The following DST variants were observed in gnomAD, a reference collection of about 807,000 sequenced individuals.
DST encodes the protein dystonin, also known as bullous pemphigoid antigen.
A neutral mutation model predicts 875.2 loss-of-function variants in DST; 253 were observed. The ratio of observed to expected loss-of-function variants is 0.29; its 90% CI spans 0.26 to 0.32. DST has a LOEUF of 0.32. Ranked by LOEUF, DST falls within the 10% of genes least tolerant of loss-of-function variation. The pLI is 1.00. For synonymous variants in DST, 3,124 were observed against 3,197.1 expected (o/e 0.98, Z 0.77); for missense variants, 8,287 against 9,111.6 (o/e 0.91, Z 3.68).
At chr6:56,772,081 G>A (rs1275109260) in intron 4 of DST, among the ~76,000 whole-genome samples, 1 of 152,150 alleles carries the variant, frequency 6.6e-6, no homozygotes, top group East Asian at 1.9e-4. Context: ...CTAGCATGTG[G>A]GGTCCAGGTT....
chr6:56,718,039 T>C (rs2099401129), intron 5 of DST, among the ~76,000 whole-genome samples: 1 of 152,102 alleles, frequency 6.6e-6, no homozygotes, highest in Non-Finnish European at 1.5e-5. Flanking sequence ...TGAGACGAGT[T>C]TGAGACCAGC....
chr6:56,849,725 C>G (rs1381232863), intron 4 of DST, among the ~76,000 whole-genome samples: 3 of 152,096 alleles, frequency 2.0e-5, no homozygotes, highest in Non-Finnish European at 4.4e-5. Context: ...TAATTTCATT[C>G]CCCCTAACAA....
intron 4 of DST, among the ~76,000 whole-genome samples, chr6:56,844,461 G>A (rs2127561232): frequency 6.6e-6 from 1 of 152,312 alleles, no homozygotes; most frequent in East Asian, 1.9e-4. Flanking sequence ...CCATTAAACT[G>A]AGTAAAATGG....
intron 54 of DST, 48 bp from the exon 55 acceptor site, chr6:56,568,643 T>A: frequency 2.1e-6 from 3 of 1,458,056 alleles, no homozygotes; most frequent in South Asian, 1.3e-5. Context: ...ATTTTCAGAG[T>A]TGCACATTAT....
rs143201963 is a variant in DST at position 56,944,583 on chromosome 6, G to A, written c.216+9202C>T. Among the ~76,000 whole-genome samples the A allele has an allele frequency of 7.5e-4, 114 of 152,254 alleles. No homozygotes were observed. The Middle Eastern group carries it at 0.034, about 45-fold the overall frequency. Reference sequence around the variant, plus strand: ...AAAACAATAATCCTAAAAGATCATGGTCTGTTTGAAGAATTATAAGAAGTG... The same window carrying A: ...AAAACAATAATCCTAAAAGATCATGATCTGTTTGAAGAATTATAAGAAGTG... On this transcript the variant is annotated intron_variant, in intron 2 of 103. Transcript: ENST00000680361.
intron 88 of DST, chr6:56,484,296 C>G (rs1360480075): frequency 6.6e-6 from 1 of 151,944 alleles, no homozygotes; most frequent in Non-Finnish European, 1.5e-5. Flanking sequence ...AAATTTTTAA[C>G]TTTTGTAGAC....
At chr6:56,583,456 C>T (rs974630671) in intron 49 of DST, among the ~76,000 whole-genome samples, 11 of 151,844 alleles carry the variant, frequency 7.2e-5, no homozygotes, top group East Asian at 5.8e-4. Context: ...TGTTTTTTTC[C>T]CGTAAATTTG....
chr6:56,756,749 C>T (rs1296205681), intron 4 of DST, among the ~76,000 whole-genome samples: 1 of 152,164 alleles, frequency 6.6e-6, no homozygotes, highest in Non-Finnish European at 1.5e-5. Context: ...AAAACAGATT[C>T]AATTTTAGTA....
At chr6:56,752,797 T>C (rs1159569008) in intron 4 of DST, among the ~76,000 whole-genome samples, 1 of 152,192 alleles carries the variant, frequency 6.6e-6, no homozygotes, top group Admixed American at 6.5e-5. Flanking sequence ...TTTTGTTTTT[T>C]TTGTTTTTTT....
intron 3 of DST, among the ~76,000 whole-genome samples, chr6:56,880,483 T>G (rs9464402): frequency 0.031 from 4,771 of 151,856 alleles, 247 homozygotes; most frequent in African/African-American, 0.11. Flanking sequence ...AGGTCAGGAG[T>G]TCGAGACCAG....
At chr6:56,928,967 T>C (rs1267915909) in intron 2 of DST, among the ~76,000 whole-genome samples, 1 of 152,144 alleles carries the variant, frequency 6.6e-6, no homozygotes, top group African/African-American at 2.4e-5. Flanking sequence ...ATATTCCATT[T>C]ATCCTTTAAT....
At chr6:56,577,094 G>A (rs1356907684) in intron 50 of DST, among the ~76,000 whole-genome samples, 1 of 151,804 alleles carries the variant, frequency 6.6e-6, no homozygotes, top group Admixed American at 6.6e-5. Context: ...TTAGAAGTCA[G>A]AAAGATCTTA....
intron 36 of DST, chr6:56,615,084 G>T (rs1186453901): frequency 4.9e-6 from 5 of 1,023,098 alleles, no homozygotes; most frequent in Non-Finnish European, 5.9e-6. Context: ...CAGCTTGAAG[G>T]CTGTGGGAAC....
chr6:56,946,034 G>T (rs1306256882), intron 2 of DST, among the ~76,000 whole-genome samples: 1 of 152,080 alleles, frequency 6.6e-6, no homozygotes, highest in Non-Finnish European at 1.5e-5. Context: ...ACTTAAATGG[G>T]TGAACTGTAT....
chr6:56,498,281 T>C (rs1483327965), intron 80 of DST, among the ~76,000 whole-genome samples: 1 of 152,122 alleles, frequency 6.6e-6, no homozygotes, highest in East Asian at 1.9e-4. Flanking sequence ...CAAGCAATCG[T>C]CCCATTTCAG....
chr6:56,607,894 G>A lies in DST; in HGVS notation c.6734C>T (p.Thr2245Ile), dbSNP rs1193936947. ...GACATCGAGACATTCTTTTATGGCT[G>A]TGTTTCCATCAAATTCTGCATGACA... ...EGCHAEFDGN[T>I]AIKECLDVLS... Residue 2245 changes from threonine (T) to isoleucine (I), a missense_variant, in exon 40 of 104, where the codon ACA becomes ATA. Physicochemically the swap from Thr to Ile is moderately conservative, Grantham distance 89. Around this residue, in one of 10 missense-constraint regions of DST, gnomAD observed 3,138 missense variants for 3,116.6 expected, o/e 1.01. Coordinates refer to ENST00000680361, the MANE Select transcript of DST (RefSeq NM_001374736.1). 1 of 1,613,532 alleles carries A rather than the reference G, an allele frequency of 6.2e-7. No individual in the cohort carries two copies. The highest frequency in any genetic ancestry group is 1.3e-5 in the African/African-American group (1 of 74,922).
At chr6:56,819,448 T>A (rs1202665720) in intron 4 of DST, among the ~76,000 whole-genome samples, 2 of 152,168 alleles carry the variant, frequency 1.3e-5, no homozygotes, top group Non-Finnish European at 2.9e-5. Context: ...TTTAAGAACC[T>A]CCATTTTACT....
rs1479369953 is a variant in DST, at chr6:56,504,051, C to T, written c.19512G>A (p.Met6504Ile). 8 of 1,609,354 alleles carry T rather than the reference C, an allele frequency of 5.0e-6. No homozygotes were observed. Among genetic ancestry groups the T allele is most frequent in the Non-Finnish European group, 6.8e-6 (8 of 1,177,998 alleles). ...TTTCGAGATCTGTTCCAATTGGAGA[C>T]ATTGAAGCTAATTTACCACCTGCAA... is the stretch of plus-strand genomic sequence containing the variant. Reference protein sequence around the residue: ...VDIAGGKLASMSPIGTDLETV... With the variant: ...VDIAGGKLASISPIGTDLETV... Residue 6504 changes from methionine to isoleucine, a missense_variant, in exon 78 of 104, where the codon ATG becomes ATA. Physicochemically the swap from Met to Ile is conservative, Grantham distance 10 (BLOSUM62 1). This residue lies in a region of DST where 1,292 missense variants were observed against 1,552.7 expected (regional missense o/e 0.83). Coordinates refer to ENST00000680361, the MANE Select transcript of DST (RefSeq NM_001374736.1).
intron 4 of DST, among the ~76,000 whole-genome samples, chr6:56,775,304 C>T (rs2099676733): frequency 1.3e-5 from 2 of 152,164 alleles, no homozygotes; most frequent in Admixed American, 6.5e-5. Flanking sequence ...CCATAGCCAA[C>T]GTCATTACTA....
Sources: allele counts gnomAD v4.1 joint callset (sites outside exome capture counted in the v4.1 genomes callset), GRCh38; gene constraint gnomAD v4.1.1; regional missense constraint gnomAD v4.1.1; transcripts MANE v1.5; gene names NCBI Gene and HGNC (gene_info 2026-07-23, HGNC 2026-07-21).